Variants in ATP2B1 observed in about 807,000 individuals in gnomAD.
The protein encoded by ATP2B1 is ATPase plasma membrane Ca2+ transporting 1, also known as plasma membrane calcium-transporting ATPase 1.
Under a neutral mutation model 124.2 loss-of-function variants are expected in ATP2B1, and 14 were observed. The ratio of observed to expected loss-of-function variants is 0.11; its 90% confidence interval spans 0.07 to 0.18. The LOEUF (loss-of-function observed/expected upper bound fraction) is 0.18. ATP2B1 is among the 10% of genes least tolerant of loss of function. The probability of loss-of-function intolerance (pLI) is 1.00; values close to 1 mark genes in which losing one functional copy is unlikely to be tolerated. For missense variants in ATP2B1, 763 were observed against 1,466.1 expected (o/e 0.52, Z 7.83); for synonymous variants, 449 against 492.4 (o/e 0.91, Z 1.17).
chr12:89,637,536 C>T (rs1236494006), intron 3 of ATP2B1, among the ~76,000 whole-genome samples: 1 of 151,606 alleles, frequency 6.6e-6, no homozygotes, highest in Non-Finnish European at 1.5e-5. Flanking sequence ...TAGCTTAGAC[C>T]ACAAGGCGCA....
chr12:89,610,370 G>C (rs776535322), intron 14 of ATP2B1, 51 bp downstream of exon 14: 3 of 1,444,496 alleles, frequency 2.1e-6, no homozygotes, highest in Admixed American at 1.7e-5. Context: ...CTGGGAAGCA[G>C]AACACATTTC....
At chr12:89,694,794 C>T (rs1890935694) in intron 1 of ATP2B1, among the ~76,000 whole-genome samples, 1 of 152,124 alleles carries the variant, frequency 6.6e-6, no homozygotes, top group Non-Finnish European at 1.5e-5. Flanking sequence ...CAGTGGCTCA[C>T]GCCTGTAATC....
chr12:89,643,597 A>C (rs1002345736), intron 2 of ATP2B1, among the ~76,000 whole-genome samples: 3 of 152,202 alleles, frequency 2.0e-5, no homozygotes, highest in African/African-American at 7.2e-5. Context: ...AGATATGAGG[A>C]GGTTAAGACA....
Position 89,626,628 on chromosome 12 carries a change from G to A in ATP2B1, c.968-13C>T. 1 of 1,580,396 alleles carries A rather than the reference G, an allele frequency of 6.3e-7. No individual in the cohort carries two copies. The highest frequency in any genetic ancestry group is 8.5e-7 in the Non-Finnish European group (1 of 1,169,926). On this transcript the variant is annotated splice_polypyrimidine_tract_variant and intron_variant, in intron 7 of 20. Coordinates refer to ENST00000428670, the MANE Select transcript of ATP2B1 (RefSeq NM_001366521.1). The stretch of plus-strand genomic sequence containing the variant: ...TCCTGGGCTTTTGCTACATTTAAGA[G>A]CAAATAGAACTTCACTATACTTTAA...
In ATP2B1 at chr12:89,673,811, G is replaced by A. The variant is rs77401153; in HGVS notation, c.-221-17704C>T. On this transcript the variant is annotated intron_variant, in intron 1 of 20. Coordinates refer to ENST00000428670, the MANE Select transcript of ATP2B1 (RefSeq NM_001366521.1). ...TTAGGAAATGTTATGAATATGACATGAGTAAAACCAGTGGTACAGGGGGTG... is the reference window on the plus strand; with the variant it reads ...TTAGGAAATGTTATGAATATGACATAAGTAAAACCAGTGGTACAGGGGGTG... Among the ~76,000 whole-genome samples the A allele has an allele frequency of 1.0e-3, 154 of 152,268 alleles. 1 individual carries two copies. The highest frequency in any genetic ancestry group is 3.5e-3 in the African/African-American group (146 of 41,552).
rs142006903 is a variant in ATP2B1, at chr12:89,597,513, T to C, written c.3351+1604A>G. On this transcript the variant is annotated intron_variant, in intron 20 of 20. Transcript: ENST00000428670. ...TTTTAAAAAATATCAAATGAAAATA[T>C]ACTTAAGTAAATACGGAAAAAACAG... 5.7e-3 allele frequency among the ~76,000 whole-genome samples: 875 copies of C among 152,252 alleles called. 5 individuals carry two copies. Among genetic ancestry groups the C allele is most frequent in the South Asian group, 0.028 (137 of 4,832 alleles).
At chr12:89,693,857 T>A (rs990275826) in intron 1 of ATP2B1, among the ~76,000 whole-genome samples, 1 of 152,230 alleles carries the variant, frequency 6.6e-6, no homozygotes, top group African/African-American at 2.4e-5. Context: ...GCCAATTTCC[T>A]GGTTCTCTAC....
chr12:89,589,986 A>C lies in ATP2B1; in HGVS notation c.*998T>G, dbSNP rs1234916621. On this transcript the variant is annotated 3_prime_UTR_variant, in exon 21 of 21. Transcript: ENST00000428670. ...CTCACAGTTCACCAAGACATCACTA[A>C]ACTAACATGTTTAGACAAAAACAAA... is the stretch of plus-strand genomic sequence containing the variant. 6.6e-6 allele frequency: 1 copy of C among 152,504 alleles called. No individual in the cohort carries two copies. The highest frequency in any genetic ancestry group is 1.5e-5 in the Non-Finnish European group (1 of 67,970). The allele number at this position is 152,504 out of a possible 1,614,324, so 9.4% of individuals were successfully genotyped here. A position where few individuals can be genotyped will look rare whatever the true frequency, so the allele number is the denominator to read the frequency against.
At chr12:89,627,818 ATGGTG>A in intron 6 of ATP2B1, 102 bp from the exon 7 acceptor site, 1 of 1,250,442 alleles carries the variant, frequency 8.0e-7, no homozygotes, top group Non-Finnish European at 1.2e-6. Flanking sequence ...TTGTTACACA[ATGGTG>A]TGTGTGTCTA....
rs748325409 is a variant in ATP2B1 at position 89,601,440 on chromosome 12, G to A, written c.3061-7C>T. On this transcript the variant is annotated splice_region_variant and splice_polypyrimidine_tract_variant and intron_variant, in intron 18 of 20. Transcript: ENST00000428670. ...CAAACTGCACAATTATTATCTGGAG[G>A]AATAATCAAGAGTAAATTTACTTAA... 6.7e-7 allele frequency: 1 copy of A among 1,482,718 alleles called. No homozygotes were observed. The highest frequency in any genetic ancestry group is 2.5e-5 in the Admixed American group (1 of 40,502). 91.8% of individuals were successfully genotyped at this position (1,482,718 alleles called of 1,614,324 possible).
intron 20 of ATP2B1, among the ~76,000 whole-genome samples, chr12:89,596,130 C>A (rs1432407642): frequency 6.6e-6 from 1 of 151,988 alleles, no homozygotes. Flanking sequence ...CACAATCAGA[C>A]TGAGAAATAT....
intron 5 of ATP2B1, among the ~76,000 whole-genome samples, chr12:89,633,439 T>A (rs1413592835): frequency 1.3e-5 from 2 of 151,866 alleles, no homozygotes; most frequent in Non-Finnish European, 2.9e-5. Context: ...TCTCCTAATG[T>A]TCTAAGTGGC....
intron 8 of ATP2B1, among the ~76,000 whole-genome samples, chr12:89,624,640 A>C (rs181568608): frequency 6.0e-4 from 91 of 152,302 alleles, no homozygotes; most frequent in African/African-American, 1.9e-3. Context: ...TCTTAGACTT[A>C]ATTATATCTT....
At chr12:89,646,997 T>C (rs117785917) in intron 2 of ATP2B1, among the ~76,000 whole-genome samples, 1,594 of 152,276 alleles carry the variant, frequency 0.01, 15 homozygotes, top group Non-Finnish European at 0.019. Context: ...GTTTGTCTAA[T>C]ACAGATGCAG....
intron 7 of ATP2B1, 92 bp downstream of exon 7, chr12:89,627,586 C>T: frequency 2.8e-6 from 4 of 1,412,282 alleles, no homozygotes; most frequent in East Asian, 4.6e-5. Context: ...TTCCCTGCCA[C>T]ATGTATCTTA....
intron 1 of ATP2B1, among the ~76,000 whole-genome samples, chr12:89,672,114 C>T (rs968324998): frequency 2.6e-5 from 4 of 152,182 alleles, no homozygotes; most frequent in African/African-American, 7.2e-5. Flanking sequence ...GCACTTAATC[C>T]TAAGCAAATT....
chr12:89,646,367 T>C (rs1245117842), intron 2 of ATP2B1, among the ~76,000 whole-genome samples: 1 of 151,940 alleles, frequency 6.6e-6, no homozygotes, highest in African/African-American at 2.4e-5. Context: ...AAAGTTAAAG[T>C]AGACAAGAAG....
intron 1 of ATP2B1, among the ~76,000 whole-genome samples, chr12:89,657,191 G>C (rs1398702125): frequency 2.0e-5 from 3 of 151,982 alleles, no homozygotes; most frequent in Admixed American, 6.6e-5. Flanking sequence ...CATCCTTTCC[G>C]GCTTCAGTCA....
chr12:89,610,104 A>G, intron 14 of ATP2B1, 61 bp from the exon 15 acceptor site: 1 of 1,441,278 alleles, frequency 6.9e-7, no homozygotes, highest in Non-Finnish European at 9.6e-7. Flanking sequence ...ATGATTCTGA[A>G]GAATATCCTG....
Sources: allele counts gnomAD v4.1 joint callset (sites outside exome capture counted in the v4.1 genomes callset), GRCh38; gene constraint gnomAD v4.1.1; transcripts MANE v1.5; gene names NCBI Gene and HGNC (gene_info 2026-07-23, HGNC 2026-07-21).